The following DPP6 variants were observed in gnomAD, a reference collection of about 807,000 sequenced individuals.
DPP6 encodes A-type potassium channel modulatory protein DPP6.
A neutral mutation model predicts 122.6 loss-of-function variants in DPP6; 69 were observed. The ratio of observed to expected loss-of-function variants is 0.56; its 90% CI spans 0.46 to 0.69. DPP6 has a LOEUF of 0.69. Ranked by LOEUF, DPP6 falls within the 30% of genes least tolerant of loss-of-function variation. DPP6 has a pLI of 0.00. For synonymous variants in DPP6, 418 were observed against 433.1 expected, an observed-to-expected ratio of 0.97 and a Z score of 0.43; for missense variants, 928 against 1,116.9, an observed-to-expected ratio of 0.83 and a Z score of 2.41.
intron 1 of DPP6, among the ~76,000 whole-genome samples, chr7:154,117,548 C>T (rs1371197175): frequency 1.3e-5 from 2 of 152,152 alleles, no homozygotes; most frequent in Admixed American, 1.3e-4. Flanking sequence ...TCTTTCTCTC[C>T]CCACTCTATC....
chr7:154,348,872 C>T (rs1303535563), intron 1 of DPP6, among the ~76,000 whole-genome samples: 3 of 152,190 alleles, frequency 2.0e-5, no homozygotes, highest in Non-Finnish European at 4.4e-5. Flanking sequence ...AACCATCTTC[C>T]TTCTTTATTC....
intron 2 of DPP6, among the ~76,000 whole-genome samples, chr7:154,466,818 C>T (rs1205361269): frequency 6.6e-6 from 1 of 152,188 alleles, no homozygotes; most frequent in East Asian, 1.9e-4. Flanking sequence ...ATATATAAAG[C>T]ACATTCATTC....
chr7:154,369,705 T>A (rs183446046), intron 1 of DPP6, among the ~76,000 whole-genome samples: 4 of 152,266 alleles, frequency 2.6e-5, no homozygotes. Flanking sequence ...AATGTGGAAG[T>A]TAGTGAATTG....
rs542126962 is a variant in DPP6, at chr7:154,547,297, C to T, written c.552+6671C>T. On this transcript the variant is annotated intron_variant, in intron 4 of 25. Coordinates refer to ENST00000377770, the MANE Select transcript of DPP6 (RefSeq NM_130797.4). ...GGGGAAACAGCCGTGTTTTTGTGTA[C>T]GGTTGAGAGGGCATAAACTGGCAGC... 5.6e-4 allele frequency among the ~76,000 whole-genome samples: 86 copies of T among 152,328 alleles called. 1 individual carries two copies. Among genetic ancestry groups the T allele is most frequent in the African/African-American group, 1.9e-3 (78 of 41,584 alleles).
chr7:154,687,292 T>G (rs992479327), intron 7 of DPP6, among the ~76,000 whole-genome samples: 1 of 152,242 alleles, frequency 6.6e-6, no homozygotes, highest in Non-Finnish European at 1.5e-5. Flanking sequence ...TATACAAATG[T>G]ATCACAATGC....
intron 6 of DPP6, among the ~76,000 whole-genome samples, chr7:154,653,508 AATAG>A (rs1170100912): frequency 2.0e-5 from 3 of 152,200 alleles, no homozygotes; most frequent in South Asian, 2.1e-4. Flanking sequence ...ATAGATAGAT[AATAG>A]ATAAATAGGT....
At chr7:154,278,787 T>C (rs1466126037) in intron 1 of DPP6, among the ~76,000 whole-genome samples, 1 of 152,184 alleles carries the variant, frequency 6.6e-6, no homozygotes, top group Non-Finnish European at 1.5e-5. Context: ...TGTGCACTCT[T>C]GTATGTGTAT....
chr7:154,029,287 C>T (rs1230999575), intron 1 of DPP6, among the ~76,000 whole-genome samples: 9 of 149,228 alleles, frequency 6.0e-5, no homozygotes, highest in Admixed American at 4.0e-4. Flanking sequence ...GAGGCTGAGG[C>T]GGGTGGATCA....
intron 3 of DPP6, among the ~76,000 whole-genome samples, chr7:154,500,418 G>T (rs955963950): frequency 6.6e-6 from 1 of 152,206 alleles, no homozygotes; most frequent in African/African-American, 2.4e-5. Flanking sequence ...ATATGGTTTC[G>T]CTGTGTCACT....
intron 1 of DPP6, among the ~76,000 whole-genome samples, chr7:154,078,946 CAAAAA>C (rs67950621): frequency 0.21 from 23,890 of 112,692 alleles, 2,263 homozygotes; most frequent in Admixed American, 0.31. Flanking sequence ...CATTCTTTTC[CAAAAA>C]AAAAAAAAAA....
chr7:153,983,886 A>G (rs1231362019), intron 1 of DPP6, among the ~76,000 whole-genome samples: 1 of 151,660 alleles, frequency 6.6e-6, no homozygotes, highest in Non-Finnish European at 1.5e-5. Flanking sequence ...CCACTGTCTA[A>G]CCAGTCCCAG....
intron 5 of DPP6, among the ~76,000 whole-genome samples, chr7:154,621,742 T>C (rs73727319): frequency 0.013 from 1,957 of 152,256 alleles, 50 homozygotes; most frequent in African/African-American, 0.044. Flanking sequence ...TCCCATGCCC[T>C]TCTCTTGGTT....
At chr7:154,884,737 G>A (rs1584985594) in intron 21 of DPP6, 1 of 136,550 alleles carries the variant, frequency 7.3e-6, no homozygotes, top group Non-Finnish European at 1.6e-5. Context: ...GCTTGCACAA[G>A]TTTACACACA....
At position 154,178,090 on chromosome 7, in the gene DPP6, G is replaced by A. The variant is rs946073954; in HGVS notation, c.243+125027G>A. 8.5e-5 allele frequency among the ~76,000 whole-genome samples: 13 copies of A among 152,298 alleles called. No homozygotes were observed. The East Asian group carries it at 2.1e-3, about 25-fold the overall frequency. ...AGCACTTGGGGTGACCCAAAGCTGG[G>A]TCCAGATCAGGGGAGTCGGTTGTAA... is the stretch of plus-strand genomic sequence containing the variant. On this transcript the variant is annotated intron_variant, in intron 1 of 25. Coordinates refer to ENST00000377770, the MANE Select transcript of DPP6 (RefSeq NM_130797.4).
intron 18 of DPP6, among the ~76,000 whole-genome samples, chr7:154,869,924 G>C (rs1034574324): frequency 7.2e-6 from 1 of 139,712 alleles, no homozygotes; most frequent in Non-Finnish European, 1.5e-5. Flanking sequence ...GACCACGCCA[G>C]GGAAGGGGGC....
At chr7:153,956,488 AC>A (rs1802468399) in intron 1 of DPP6, among the ~76,000 whole-genome samples, 1 of 152,104 alleles carries the variant, frequency 6.6e-6, no homozygotes, top group Middle Eastern at 3.2e-3. Context: ...TCTTCCTCTT[AC>A]CTCTGCAGCA....
At chr7:154,716,872 T>C (rs928712196) in intron 7 of DPP6, among the ~76,000 whole-genome samples, 85 of 152,332 alleles carry the variant, frequency 5.6e-4, no homozygotes, top group Non-Finnish European at 5.1e-4. Flanking sequence ...CTTGCTCTGT[T>C]GCCCAGGCTG....
At chr7:154,458,442 C>T (rs1327050864) in intron 2 of DPP6, among the ~76,000 whole-genome samples, 1 of 152,156 alleles carries the variant, frequency 6.6e-6, no homozygotes, top group Admixed American at 6.5e-5. Flanking sequence ...ATAAATTACC[C>T]AGTCTCAGGT....
chr7:153,943,998 G>T (rs1448543193), intron 1 of DPP6, among the ~76,000 whole-genome samples: 1 of 152,134 alleles, frequency 6.6e-6, no homozygotes, highest in Non-Finnish European at 1.5e-5. Flanking sequence ...GCTGCTCCAC[G>T]GTTTCCCCAC....
Sources: gnomAD v4.1 joint callset for allele counts (sites outside exome capture counted in the v4.1 genomes callset) on GRCh38, gnomAD v4.1.1 for gene constraint, MANE v1.5 for transcripts, NCBI Gene and HGNC (gene_info 2026-07-23, HGNC 2026-07-21) for gene names.